Variants in SORCS2 observed in about 807,000 individuals in gnomAD.
The protein encoded by SORCS2 is VPS10 domain-containing receptor SorCS2.
A neutral mutation model predicts 141.6 loss-of-function variants in SORCS2; 100 were observed. That is an observed-to-expected ratio of 0.71 (90% confidence interval 0.60 to 0.83). The LOEUF is 0.83. Among genes scored for constraint, SORCS2 ranks in the 40% least tolerant of loss-of-function variants. The probability of loss-of-function intolerance (pLI) is 0.00; values close to 1 mark genes in which losing one functional copy is unlikely to be tolerated. For missense variants in SORCS2, 1,646 were observed against 1,560.2 expected (o/e 1.05, Z -0.93); for synonymous variants, 789 against 676.9 (o/e 1.17, Z -2.57).
chr4:7,250,106 G>A (rs540053808), intron 1 of SORCS2, among the ~76,000 whole-genome samples: 22 of 152,314 alleles, frequency 1.4e-4, no homozygotes, highest in African/African-American at 5.1e-4. Context: ...GCCAGGTGTG[G>A]TGGCATGCAC....
chr4:7,617,617 C>T (rs1035371464), intron 3 of SORCS2, among the ~76,000 whole-genome samples: 6 of 152,160 alleles, frequency 3.9e-5, no homozygotes, highest in African/African-American at 1.4e-4. Flanking sequence ...AAGCGTGGAG[C>T]AAGGAGTGCT....
intron 2 of SORCS2, among the ~76,000 whole-genome samples, chr4:7,468,282 G>T (rs1224772985): frequency 6.6e-6 from 1 of 152,180 alleles, no homozygotes; most frequent in Non-Finnish European, 1.5e-5. Context: ...ATCGTCATGG[G>T]TCGCAACCTT....
intron 2 of SORCS2, among the ~76,000 whole-genome samples, chr4:7,527,920 A>G (rs1411878263): frequency 1.3e-5 from 2 of 151,710 alleles, no homozygotes; most frequent in Non-Finnish European, 2.9e-5. Context: ...TGGCACCTGG[A>G]CCCCCTCAGT....
chr4:7,328,565 C>T (rs961731706), intron 1 of SORCS2, among the ~76,000 whole-genome samples: 9 of 152,172 alleles, frequency 5.9e-5, no homozygotes, highest in African/African-American at 1.4e-4. Flanking sequence ...GAGTGGAGTT[C>T]GTTCATTCAT....
At chr4:7,434,532 C>T (rs766238008) in intron 2 of SORCS2, 5 of 1,612,980 alleles carry the variant, frequency 3.1e-6, no homozygotes, top group Admixed American at 3.3e-5. Flanking sequence ...TCAGGATGGC[C>T]GAACTGTGGG....
intron 1 of SORCS2, among the ~76,000 whole-genome samples, chr4:7,341,223 G>T (rs1406012735): frequency 6.6e-6 from 1 of 152,222 alleles, no homozygotes; most frequent in Non-Finnish European, 1.5e-5. Context: ...GTATCTGTGG[G>T]GAGCTGGTGA....
intron 1 of SORCS2, among the ~76,000 whole-genome samples, chr4:7,328,249 TG>T (rs1719413922): frequency 6.6e-6 from 1 of 151,184 alleles, no homozygotes; most frequent in Non-Finnish European, 1.5e-5. Flanking sequence ...TTGGCCAGGC[TG>T]GTCTTGAACT....
In SORCS2 at chr4:7,549,856, A is replaced by G. The variant is rs569726907; in HGVS notation, c.648+18227A>G. Among the ~76,000 whole-genome samples, 3 of 152,292 alleles carry G rather than the reference A, an allele frequency of 2.0e-5. No individual in the cohort carries two copies. The South Asian group carries it at 6.2e-4, about 32-fold the overall frequency. Reference sequence around the variant, plus strand: ...GGGCAACCATATAACAGTACCAGTGAATTCACTAGAATGAAACACATGAGT... The same window carrying G: ...GGGCAACCATATAACAGTACCAGTGGATTCACTAGAATGAAACACATGAGT... On this transcript the variant is annotated intron_variant, in intron 3 of 26. Coordinates refer to ENST00000507866, the MANE Select transcript of SORCS2 (RefSeq NM_020777.3).
At position 7,742,036 on chromosome 4, in the gene SORCS2, C is replaced by T. The variant is rs1214927393; in HGVS notation, c.*1772C>T. 6.6e-6 allele frequency: 1 copy of T among 152,154 alleles called. No individual in the cohort carries two copies. The highest frequency in any genetic ancestry group is 1.5e-5 in the Non-Finnish European group (1 of 68,068). The allele number at this position is 152,154 out of a possible 1,614,324, so 9.4% of individuals were successfully genotyped here. On this transcript the variant is annotated 3_prime_UTR_variant, in exon 27 of 27. Coordinates refer to ENST00000507866, the MANE Select transcript of SORCS2 (RefSeq NM_020777.3). ...AGGCGTGGAGGTGTCCCCACCCCTT[C>T]CACCTGTCCCCCAGACCCAAAGCTC...
chr4:7,430,850 A>G (rs6849590), intron 2 of SORCS2: 102,024 of 152,076 alleles, frequency 0.67, 34,583 homozygotes, highest in Middle Eastern at 0.76. Context: ...CTATGGAGTC[A>G]TTTGGATGGA....
At chr4:7,489,682 G>A (rs1206627404) in intron 2 of SORCS2, among the ~76,000 whole-genome samples, 1 of 152,128 alleles carries the variant, frequency 6.6e-6, no homozygotes, top group Non-Finnish European at 1.5e-5. Context: ...TGTAATTTGT[G>A]AATCAAAATA....
At chr4:7,399,121 C>A (rs1377924848) in intron 2 of SORCS2, among the ~76,000 whole-genome samples, 2 of 152,166 alleles carry the variant, frequency 1.3e-5, no homozygotes, top group African/African-American at 4.8e-5. Flanking sequence ...TTACTACTCA[C>A]ATTTTCTCCT....
intron 1 of SORCS2, among the ~76,000 whole-genome samples, chr4:7,336,092 A>G (rs1160119518): frequency 6.6e-6 from 1 of 152,176 alleles, no homozygotes; most frequent in African/African-American, 2.4e-5. Context: ...TCAGGTGACA[A>G]TTGCCAGCTT....
intron 3 of SORCS2, among the ~76,000 whole-genome samples, chr4:7,621,465 ATG>A (rs1309621817): frequency 1.5e-5 from 2 of 132,036 alleles, no homozygotes; most frequent in Admixed American, 1.5e-4. Context: ...GTGAGTGTTT[ATG>A]TGTGTGTCTG....
chr4:7,414,308 C>T (rs1577521446), intron 2 of SORCS2, among the ~76,000 whole-genome samples: 1 of 152,078 alleles, frequency 6.6e-6, no homozygotes, highest in Non-Finnish European at 1.5e-5. Context: ...CCGTCCTACC[C>T]CCGGGCATGC....
intron 4 of SORCS2, among the ~76,000 whole-genome samples, chr4:7,644,848 C>T (rs1207034316): frequency 2.6e-5 from 4 of 152,242 alleles, no homozygotes; most frequent in Non-Finnish European, 1.5e-5. Context: ...CACCCTTCCA[C>T]AGGATGCACC....
chr4:7,383,090 G>A (rs1292148001), intron 1 of SORCS2, among the ~76,000 whole-genome samples: 1 of 152,074 alleles, frequency 6.6e-6, no homozygotes, highest in Non-Finnish European at 1.5e-5. Context: ...CTCATGCCCC[G>A]CGGGGCTGCT....
chr4:7,574,224 C>A (rs1438151935), intron 3 of SORCS2, among the ~76,000 whole-genome samples: 9 of 152,226 alleles, frequency 5.9e-5, no homozygotes, highest in Non-Finnish European at 1.2e-4. Context: ...GGACTGTGTT[C>A]CCCACCCTCG....
Position 7,208,393 on chromosome 4 carries a change from G to A in SORCS2, c.480+15267G>A, listed in dbSNP as rs574712131. Among the ~76,000 whole-genome samples the A allele has an allele frequency of 5.9e-5, 9 of 152,334 alleles. 1 individual carries two copies. The South Asian group carries it at 1.9e-3, about 32-fold the overall frequency. ...GACTTTGGGGATTACTGGCAGGCAGGGGATTGGCGGGGAGGGAGGCAGGGC... is the reference window on the plus strand; with the variant it reads ...GACTTTGGGGATTACTGGCAGGCAGAGGATTGGCGGGGAGGGAGGCAGGGC... On this transcript the variant is annotated intron_variant, in intron 1 of 26. Transcript: ENST00000507866.
Sources: allele counts gnomAD v4.1 joint callset (sites outside exome capture counted in the v4.1 genomes callset), GRCh38; gene constraint gnomAD v4.1.1; transcripts MANE v1.5; gene names NCBI Gene and HGNC (gene_info 2026-07-23, HGNC 2026-07-21).